Variants in AFF3 observed in about 807,000 individuals in gnomAD.
AFF3 encodes ALF transcription elongation factor 3.
AFF3 carries 32 observed loss-of-function variants against 129.7 expected under a neutral mutation model. The ratio of observed to expected loss-of-function variants is 0.25; its 90% CI spans 0.19 to 0.33. The LOEUF is 0.33. Among genes scored for constraint, AFF3 ranks in the 10% least tolerant of loss-of-function variants. The pLI, the probability that AFF3 is intolerant of heterozygous loss-of-function variation, is 1.00. For synonymous variants in AFF3, 644 were observed against 635.4 expected, an observed-to-expected ratio of 1.01 and a Z score of -0.20; for missense variants, 1,373 against 1,592.0, an observed-to-expected ratio of 0.86 and a Z score of 2.34.
intron 9 of AFF3, among the ~76,000 whole-genome samples, chr2:99,748,483 C>T (rs998537086): frequency 1.3e-5 from 2 of 152,058 alleles, no homozygotes; most frequent in South Asian, 4.1e-4. Context: ...CATTAGAGCC[C>T]AAGGCTGAAA....
intron 13 of AFF3, among the ~76,000 whole-genome samples, chr2:99,608,180 C>T (rs1449184722): frequency 6.6e-6 from 1 of 152,194 alleles, no homozygotes; most frequent in Non-Finnish European, 1.5e-5. Context: ...GGGTCTGTTT[C>T]CAGCAGGGTG....
At chr2:99,965,364 G>A (rs1677643929) in intron 7 of AFF3, among the ~76,000 whole-genome samples, 1 of 152,190 alleles carries the variant, frequency 6.6e-6, no homozygotes, top group African/African-American at 2.4e-5. Context: ...TACCCTGTTG[G>A]TAAGGCATCT....
intron 2 of AFF3, among the ~76,000 whole-genome samples, chr2:100,110,568 A>G (rs1431714348): frequency 1.3e-5 from 2 of 152,238 alleles, no homozygotes; most frequent in African/African-American, 2.4e-5. Flanking sequence ...TGACATTCCA[A>G]AATTGCATCT....
chr2:99,572,643 A>G (rs970289449), intron 18 of AFF3: 13 of 455,740 alleles, frequency 2.9e-5, no homozygotes, highest in Admixed American at 2.8e-4. Flanking sequence ...CTGCATACCA[A>G]ATGAATTCAT....
intron 7 of AFF3, among the ~76,000 whole-genome samples, chr2:99,862,116 C>A (rs1466102083): frequency 1.3e-5 from 2 of 152,142 alleles, no homozygotes; most frequent in African/African-American, 4.8e-5. Context: ...AAGACCTCAT[C>A]ATTGTGATCC....
intron 13 of AFF3, among the ~76,000 whole-genome samples, chr2:99,634,065 C>A (rs1036036597): frequency 6.6e-6 from 1 of 152,024 alleles, no homozygotes; most frequent in African/African-American, 2.4e-5. Flanking sequence ...CAGGCATGTG[C>A]CACCATGCCC....
At chr2:99,672,178 TCACACACA>T (rs1177303721) in intron 12 of AFF3, among the ~76,000 whole-genome samples, 3,610 of 55,882 alleles carry the variant, frequency 0.065, 65 homozygotes, top group African/African-American at 0.15. Context: ...AGTTAGCTTC[TCACACACA>T]CACACACACA....
chr2:99,672,422 A>G (rs2104459807), intron 12 of AFF3, 116 bp downstream of exon 12: 1 of 933,284 alleles, frequency 1.1e-6, no homozygotes, highest in Non-Finnish European at 1.7e-6. Context: ...CTTAGCAGAC[A>G]AAAGACCAGC....
chr2:99,792,157 G>A (rs992046504), intron 8 of AFF3, among the ~76,000 whole-genome samples: 1 of 152,102 alleles, frequency 6.6e-6, no homozygotes, highest in Non-Finnish European at 1.5e-5. Context: ...GTATGACTCT[G>A]TAAAACATAA....
intron 8 of AFF3, among the ~76,000 whole-genome samples, chr2:99,779,799 TTA>T (rs1439201555): frequency 6.6e-6 from 1 of 152,210 alleles, no homozygotes; most frequent in Admixed American, 6.5e-5. Context: ...GTTATTATTA[TTA>T]GTCTTCATTT....
rs547424019 is a variant in AFF3, at chr2:99,629,896, G to A, written c.1184+19730C>T. On this transcript the variant is annotated intron_variant, in intron 13 of 24. Coordinates refer to ENST00000672756, the MANE Select transcript of AFF3 (RefSeq NM_001386135.1). Reference sequence around the variant, plus strand: ...CCTAAATCTAATCACCCCCACCAAAGGCCCCACCTCCTAATACTATCACAT... The same window carrying A: ...CCTAAATCTAATCACCCCCACCAAAAGCCCCACCTCCTAATACTATCACAT... 2.6e-5 allele frequency among the ~76,000 whole-genome samples: 4 copies of A among 152,122 alleles called. No homozygotes were observed. In the South Asian group the frequency reaches 8.3e-4, roughly 32 times the overall value.
intron 10 of AFF3, among the ~76,000 whole-genome samples, chr2:99,729,769 CT>C (rs779944553): frequency 5.3e-5 from 8 of 151,272 alleles, no homozygotes; most frequent in Non-Finnish European, 7.4e-5. Flanking sequence ...ACCCCGCCCC[CT>C]GCCCGCCCCA....
chr2:99,697,328 C>T (rs574929961), intron 11 of AFF3, among the ~76,000 whole-genome samples: 1 of 152,228 alleles, frequency 6.6e-6, no homozygotes, highest in Non-Finnish European at 1.5e-5. Context: ...CCAACTTCTG[C>T]CCATCACTGT....
rs1235205897 is a variant in AFF3 at position 99,601,571 on chromosome 2, C to T, written c.1235G>A (p.Gly412Asp). ...GCCGCTGCTGCTGCTGCTGCTGCTGCCCTTGCTGGAAGGCACCGAGGTTCT... is the reference window on the plus strand; with the variant it reads ...GCCGCTGCTGCTGCTGCTGCTGCTGTCCTTGCTGGAAGGCACCGAGGTTCT... Reference protein sequence around the residue: ...NCRTSVPSSKGSSSSSSSGSS... With the variant: ...NCRTSVPSSKDSSSSSSSGSS... The change falls in exon 14 of 25, where the codon GGC becomes GAC. Residue 412 changes from glycine (G) to aspartate (D), a missense_variant. Coordinates refer to ENST00000672756, the MANE Select transcript of AFF3 (RefSeq NM_001386135.1). 34 of 1,599,680 alleles carry T rather than the reference C, an allele frequency of 2.1e-5. No individual in the cohort carries two copies. Among genetic ancestry groups the T allele is most frequent in the Non-Finnish European group, 2.6e-5 (30 of 1,176,188 alleles).
intron 12 of AFF3, 46 bp downstream of exon 12, chr2:99,672,492 T>C (rs1687252350): frequency 6.3e-7 from 1 of 1,583,170 alleles, no homozygotes; most frequent in African/African-American, 1.3e-5. Context: ...AGGTAACTGT[T>C]ACCAGTGTCA....
At chr2:100,042,162 C>G (rs1685487473) in intron 4 of AFF3, among the ~76,000 whole-genome samples, 1 of 152,124 alleles carries the variant, frequency 6.6e-6, no homozygotes, top group South Asian at 2.1e-4. Context: ...AAGAGAAAGG[C>G]CCTTGTCCCC....
chr2:99,704,354 C>A (rs1488113256), intron 11 of AFF3, among the ~76,000 whole-genome samples: 5 of 152,186 alleles, frequency 3.3e-5, no homozygotes, highest in Non-Finnish European at 7.3e-5. Context: ...ATGCTGGAGA[C>A]CTGCATGCCT....
At chr2:99,969,670 T>C (rs1287122525) in intron 7 of AFF3, among the ~76,000 whole-genome samples, 1 of 151,866 alleles carries the variant, frequency 6.6e-6, no homozygotes, top group East Asian at 1.9e-4. Context: ...GTTGTTGTTG[T>C]TGTTGTTGTT....
intron 7 of AFF3, among the ~76,000 whole-genome samples, chr2:99,904,871 C>T (rs574830358): frequency 3.3e-5 from 5 of 152,164 alleles, no homozygotes; most frequent in East Asian, 3.9e-4. Flanking sequence ...GAGTTCGAGC[C>T]GTTCCCATAT....
Sources: allele counts gnomAD v4.1 joint callset (sites outside exome capture counted in the v4.1 genomes callset), GRCh38; gene constraint gnomAD v4.1.1; transcripts MANE v1.5; gene names NCBI Gene and HGNC (gene_info 2026-07-23, HGNC 2026-07-21).